HYDIN: variants seen among roughly 807,000 people sequenced by gnomAD.
HYDIN encodes the protein HYDIN axonemal central pair apparatus protein, also known as axonemal central pair apparatus protein HYDIN.
A neutral mutation model predicts 403.9 loss-of-function variants in HYDIN; 132 were observed. The ratio of observed to expected loss-of-function variants is 0.33; its 90% CI spans 0.28 to 0.38. HYDIN has a LOEUF of 0.38. Among genes scored for constraint, HYDIN ranks in the 10% least tolerant of loss-of-function variants. HYDIN has a pLI of 1.00. For synonymous variants in HYDIN, 1,202 were observed against 1,891.7 expected, an observed-to-expected ratio of 0.64 and a Z score of 9.46; for missense variants, 2,827 against 5,009.5, an observed-to-expected ratio of 0.56 and a Z score of 13.15.
At chr16:71,226,350 T>C (rs1256534471) in intron 1 of HYDIN, among the ~76,000 whole-genome samples, 1 of 152,162 alleles carries the variant, frequency 6.6e-6, no homozygotes, top group Admixed American at 6.5e-5. Context: ...GGAGAGTCTC[T>C]TTAACAAATG....
chr16:70,812,908 G>A (rs1251605299), intron 84 of HYDIN, among the ~76,000 whole-genome samples: 2 of 152,110 alleles, frequency 1.3e-5, no homozygotes, highest in Non-Finnish European at 2.9e-5. Context: ...CAGAAAAGAT[G>A]GCATGTCACT....
At chr16:71,024,591 A>G (rs1435439725) in intron 21 of HYDIN, among the ~76,000 whole-genome samples, 3 of 141,186 alleles carry the variant, frequency 2.1e-5, no homozygotes, top group Non-Finnish European at 4.6e-5. Flanking sequence ...TTCCAGTACC[A>G]GCTCAATCCC....
chr16:70,853,892 CTTTTT>C (rs140632293), intron 73 of HYDIN, among the ~76,000 whole-genome samples: 1 of 120,950 alleles, frequency 8.3e-6, no homozygotes, highest in African/African-American at 3.9e-5. Context: ...TTCTTTCTTT[CTTTTT>C]TTTTTTTTTT....
In HYDIN at chr16:71,230,659, C is replaced by A; in HGVS notation, c.-121G>T. On this transcript the variant is annotated 5_prime_UTR_variant, in exon 1 of 86. Transcript: ENST00000393567. The stretch of plus-strand genomic sequence containing the variant: ...CCCGCCGCCGCTGAGGGGCTCCATA[C>A]CCAGCTTGAAGCCGCCCGCACTCTC... The A allele has an allele frequency of 6.5e-7, 1 of 1,536,060 alleles. No individual in the cohort carries two copies. Among genetic ancestry groups the A allele is most frequent in the Non-Finnish European group, 8.7e-7 (1 of 1,146,868 alleles).
At chr16:71,151,571 G>T (rs1035842444) in intron 7 of HYDIN, among the ~76,000 whole-genome samples, 2 of 152,086 alleles carry the variant, frequency 1.3e-5, no homozygotes, top group Non-Finnish European at 2.9e-5. Context: ...ATTTCCATCT[G>T]ACTCCACATC....
At chr16:71,050,845 C>G (rs572973218) in intron 18 of HYDIN, among the ~76,000 whole-genome samples, 1 of 147,188 alleles carries the variant, frequency 6.8e-6, no homozygotes, top group Non-Finnish European at 1.5e-5. Flanking sequence ...GTTACAATTT[C>G]CATACATTTC....
At chr16:70,930,736 C>G (rs1242026463) in intron 45 of HYDIN, among the ~76,000 whole-genome samples, 1 of 152,150 alleles carries the variant, frequency 6.6e-6, no homozygotes. Context: ...ATCTTAGTCA[C>G]TGACCACTGC....
At position 70,808,214 on chromosome 16, in the gene HYDIN, T is replaced by C. The variant is rs1432248260; in HGVS notation, c.14884-152A>G. ...ATAAAGTTGTGTCCTTATAACTCCCTTGTAGGGTAGGTATTACTAATTATT... is the reference window on the plus strand; with the variant it reads ...ATAAAGTTGTGTCCTTATAACTCCCCTGTAGGGTAGGTATTACTAATTATT... On this transcript the variant is annotated intron_variant, in intron 85 of 85. Coordinates refer to ENST00000393567, the MANE Select transcript of HYDIN (RefSeq NM_001270974.2). 4.7e-6 allele frequency: 4 copies of C among 845,806 alleles called. No individual in the cohort carries two copies. The East Asian group carries it at 7.7e-5, about 16-fold the overall frequency. 52.4% of individuals were successfully genotyped at this position (845,806 alleles called of 1,614,324 possible). A position where few individuals can be genotyped will look rare whatever the true frequency, so the allele number is the denominator to read the frequency against.
At chr16:71,064,574 C>G in intron 16 of HYDIN, 131 bp downstream of exon 16, 2 of 803,990 alleles carry the variant, frequency 2.5e-6, no homozygotes, top group Non-Finnish European at 3.8e-6. Context: ...CTTAGACTAT[C>G]TAAGGGTTAA....
At chr16:71,203,967 A>G (rs2088161508) in intron 1 of HYDIN, 1 of 340,746 alleles carries the variant, frequency 2.9e-6, no homozygotes, top group Non-Finnish European at 5.8e-6. Context: ...TGGGAGACTG[A>G]AGTGGGAGGA....
intron 1 of HYDIN, among the ~76,000 whole-genome samples, chr16:71,211,641 CAA>C (rs548855002): frequency 3.2e-4 from 16 of 50,016 alleles, no homozygotes; most frequent in African/African-American, 5.4e-4. Flanking sequence ...GACTCCATCT[CAA>C]AAAAAAAAAA....
intron 13 of HYDIN, among the ~76,000 whole-genome samples, chr16:71,077,410 C>A (rs530664843): frequency 6.6e-6 from 1 of 151,998 alleles, no homozygotes; most frequent in East Asian, 1.9e-4. Flanking sequence ...TCTAGTTAAT[C>A]ATTGCTGATA....
intron 1 of HYDIN, among the ~76,000 whole-genome samples, chr16:71,228,631 T>A (rs2041144718): frequency 2.0e-5 from 3 of 152,140 alleles, no homozygotes. Context: ...CCAGTTAGAA[T>A]GGCGATTAAA....
intron 45 of HYDIN, among the ~76,000 whole-genome samples, chr16:70,928,053 G>A (rs1197886737): frequency 1.3e-5 from 2 of 151,912 alleles, no homozygotes; most frequent in East Asian, 3.9e-4. Context: ...GAGTGTTTAG[G>A]AGGGTGCTGA....
At chr16:71,054,128 A>C (rs1477587867) in intron 18 of HYDIN, among the ~76,000 whole-genome samples, 6 of 152,294 alleles carry the variant, frequency 3.9e-5, no homozygotes, top group Non-Finnish European at 5.9e-5. Context: ...TCACATTAAC[A>C]CAAGAGTTGG....
At chr16:70,957,324 T>C (rs1434140431) in intron 39 of HYDIN, among the ~76,000 whole-genome samples, 2 of 132,444 alleles carry the variant, frequency 1.5e-5, no homozygotes, top group Non-Finnish European at 3.0e-5. Flanking sequence ...AGAATTTCCT[T>C]CCTATTTTTT....
In HYDIN at chr16:70,808,064, T is replaced by G; in HGVS notation, c.14884-2A>C. ...TGCGTGGAAGTCTGTACAGTCGGTC[T>G]GAAAGGGGAACAAACAAACTCAGCT... is the stretch of plus-strand genomic sequence containing the variant. On this transcript the variant is annotated splice_acceptor_variant, in intron 85 of 85. Transcript: ENST00000393567. LOFTEE classifies it high-confidence loss of function. 6.3e-7 allele frequency: 1 copy of G among 1,597,342 alleles called. No individual in the cohort carries two copies. Among genetic ancestry groups the G allele is most frequent in the Non-Finnish European group, 8.5e-7 (1 of 1,169,998 alleles).
chr16:71,191,771 T>C (rs1248579743), intron 1 of HYDIN, among the ~76,000 whole-genome samples: 1 of 152,176 alleles, frequency 6.6e-6, no homozygotes, highest in Admixed American at 6.5e-5. Flanking sequence ...CCCAGCTGCC[T>C]ACAAGATGCT....
intron 1 of HYDIN, among the ~76,000 whole-genome samples, chr16:71,212,455 A>G (rs989710877): frequency 6.6e-6 from 1 of 152,198 alleles, no homozygotes; most frequent in African/African-American, 2.4e-5. Flanking sequence ...AGTTTTCTTT[A>G]GGTATGAAAT....
Sources: allele counts gnomAD v4.1 joint callset (sites outside exome capture counted in the v4.1 genomes callset), GRCh38; gene constraint gnomAD v4.1.1; transcripts MANE v1.5; gene names NCBI Gene and HGNC (gene_info 2026-07-23, HGNC 2026-07-21).